AFF3: variants seen among roughly 807,000 people sequenced by gnomAD.
AFF3 encodes the protein AF4/FMR2 family member 3.
Under a neutral mutation model 129.7 loss-of-function variants are expected in AFF3, and 32 were observed. That is an observed-to-expected ratio of 0.25 (90% confidence interval 0.19 to 0.33). The LOEUF (loss-of-function observed/expected upper bound fraction) is 0.33, where lower values mean the gene tolerates loss of function less well. AFF3 is among the 10% of genes least tolerant of loss of function. The pLI, the probability that AFF3 is intolerant of heterozygous loss-of-function variation, is 1.00. For synonymous variants in AFF3, 644 were observed against 635.4 expected, an observed-to-expected ratio of 1.01 and a Z score of -0.20; for missense variants, 1,373 against 1,592.0, an observed-to-expected ratio of 0.86 and a Z score of 2.34.
intron 11 of AFF3, among the ~76,000 whole-genome samples, chr2:99,721,176 T>C (rs1422881980): frequency 6.6e-6 from 1 of 152,204 alleles, no homozygotes; most frequent in African/African-American, 2.4e-5. Context: ...AATTCTCTCA[T>C]ATTTTGTACA....
At chr2:100,099,428 G>A (rs1484033772) in intron 4 of AFF3, among the ~76,000 whole-genome samples, 2 of 152,222 alleles carry the variant, frequency 1.3e-5, no homozygotes, top group African/African-American at 4.8e-5. Context: ...TCCTTAGGGA[G>A]ACTAAACTGC....
intron 2 of AFF3, among the ~76,000 whole-genome samples, chr2:100,120,817 G>T (rs945633826): frequency 3.9e-5 from 6 of 151,950 alleles, no homozygotes; most frequent in African/African-American, 1.5e-4. Context: ...TTTAAATTTT[G>T]TTAGAGATGG....
At chr2:99,938,106 A>G (rs1376342990) in intron 7 of AFF3, among the ~76,000 whole-genome samples, 3 of 152,206 alleles carry the variant, frequency 2.0e-5, no homozygotes, top group Non-Finnish European at 4.4e-5. Context: ...GATACTTTTC[A>G]AGATTAGGGT....
intron 8 of AFF3, among the ~76,000 whole-genome samples, chr2:99,822,138 A>C (rs777994326): frequency 8.5e-5 from 13 of 152,156 alleles, no homozygotes; most frequent in Admixed American, 7.9e-4. Flanking sequence ...TCTGCATCTC[A>C]GTTTCCTTCT....
At chr2:99,894,990 T>C (rs1287916074) in intron 7 of AFF3, among the ~76,000 whole-genome samples, 1 of 152,212 alleles carries the variant, frequency 6.6e-6, no homozygotes, top group East Asian at 1.9e-4. Flanking sequence ...TGCCTTTCAT[T>C]CAGCATTTCT....
At position 100,102,429 on chromosome 2, in the gene AFF3, A is replaced by G. The variant is rs114224896; in HGVS notation, c.53+1973T>C. On this transcript the variant is annotated intron_variant, in intron 4 of 24. Coordinates refer to ENST00000672756, the MANE Select transcript of AFF3 (RefSeq NM_001386135.1). ...GCCTTCATAAGCCAAAACTCGATGC[A>G]CTGATTAAAATGTGATTGCACGTAC... Among the ~76,000 whole-genome samples, 728 of 152,332 alleles carry G rather than the reference A, an allele frequency of 4.8e-3. 9 individuals are homozygous for G. Among genetic ancestry groups the G allele is most frequent in the African/African-American group, 0.016 (677 of 41,574 alleles).
chr2:99,992,729 T>C (rs920641945), intron 7 of AFF3, among the ~76,000 whole-genome samples: 18 of 152,204 alleles, frequency 1.2e-4, no homozygotes, highest in Admixed American at 3.9e-4. Flanking sequence ...AAAATGAGGA[T>C]GGAGAAAATG....
At chr2:99,881,804 T>C (rs1692739934) in intron 7 of AFF3, among the ~76,000 whole-genome samples, 1 of 152,188 alleles carries the variant, frequency 6.6e-6, no homozygotes, top group Admixed American at 6.5e-5. Context: ...AGTTCAACCA[T>C]TAATGATAAA....
chr2:99,559,493 G>A (rs1403490207), intron 21 of AFF3, among the ~76,000 whole-genome samples: 2 of 152,152 alleles, frequency 1.3e-5, no homozygotes, highest in Non-Finnish European at 2.9e-5. Context: ...CTGGGAATAG[G>A]TGCCATCATT....
chr2:99,648,917 ACT>A (rs769906171), intron 13 of AFF3, among the ~76,000 whole-genome samples: 20 of 46,922 alleles, frequency 4.3e-4, no homozygotes, highest in African/African-American at 1.0e-3. Flanking sequence ...ACACACACAC[ACT>A]CTCTCTCTCT....
At chr2:99,672,439 G>A (rs1687248594) in intron 12 of AFF3, 99 bp downstream of exon 12, 3 of 1,092,938 alleles carry the variant, frequency 2.7e-6, no homozygotes, top group Admixed American at 1.8e-5. Context: ...CAGCAGCCTG[G>A]AGTGCCACCA....
At chr2:99,958,930 T>C (rs1202042256) in intron 7 of AFF3, among the ~76,000 whole-genome samples, 6 of 151,782 alleles carry the variant, frequency 4.0e-5, no homozygotes, top group Admixed American at 6.6e-5. Context: ...CTGGGCAACA[T>C]AGGGGGGCCC....
intron 8 of AFF3, among the ~76,000 whole-genome samples, chr2:99,811,191 T>C (rs1368759188): frequency 6.6e-6 from 1 of 152,204 alleles, no homozygotes; most frequent in African/African-American, 2.4e-5. Flanking sequence ...ATTCTATGGG[T>C]ACAACTCAGG....
chr2:99,751,563 G>A lies in AFF3; in HGVS notation c.1002+658C>T, dbSNP rs145049919. On this transcript the variant is annotated intron_variant, in intron 9 of 24. Transcript: ENST00000672756. The stretch of plus-strand genomic sequence containing the variant: ...CATAAACTCCTGATAGTAATCTCTG[G>A]GTAGGGAAATAATCTCTGGCTTGGA... Among the ~76,000 whole-genome samples, 11 of 152,284 alleles carry A rather than the reference G, an allele frequency of 7.2e-5. No homozygotes were observed. The East Asian group carries it at 2.1e-3, about 29-fold the overall frequency.
intron 2 of AFF3, among the ~76,000 whole-genome samples, chr2:100,117,705 A>G (rs1489286111): frequency 6.6e-6 from 1 of 152,260 alleles, no homozygotes; most frequent in African/African-American, 2.4e-5. Flanking sequence ...TTTGAAAAAC[A>G]GTAATATGCA....
chr2:99,969,146 G>A (rs763482225), intron 7 of AFF3, among the ~76,000 whole-genome samples: 11 of 152,210 alleles, frequency 7.2e-5, no homozygotes, highest in Non-Finnish European at 1.0e-4. Context: ...TAAGGGAGAG[G>A]AGAAGATGGA....
chr2:99,840,812 G>C (rs1189234437), intron 7 of AFF3, among the ~76,000 whole-genome samples: 3 of 152,118 alleles, frequency 2.0e-5, no homozygotes, highest in Non-Finnish European at 4.4e-5. Flanking sequence ...AGTCTCAGTC[G>C]GGCCGGGGGG....
At chr2:100,063,763 A>C (rs1056921661) in intron 4 of AFF3, among the ~76,000 whole-genome samples, 4 of 152,150 alleles carry the variant, frequency 2.6e-5, no homozygotes, top group African/African-American at 9.7e-5. Context: ...GTTAAAAGAC[A>C]TAAATCCACA....
intron 4 of AFF3, among the ~76,000 whole-genome samples, chr2:100,027,084 A>G (rs535069582): frequency 1.4e-4 from 21 of 152,278 alleles, no homozygotes; most frequent in African/African-American, 3.9e-4. Context: ...ATGGAAAAAT[A>G]AAAACAAATA....
Sources: gnomAD v4.1 joint callset for allele counts (sites outside exome capture counted in the v4.1 genomes callset) on GRCh38, gnomAD v4.1.1 for gene constraint, MANE v1.5 for transcripts, NCBI Gene and HGNC (gene_info 2026-07-23, HGNC 2026-07-21) for gene names.